Variants in ZNF383 observed in about 807,000 individuals in gnomAD.
The protein encoded by ZNF383 is zinc finger protein 383.
In ZNF383, 32 loss-of-function variants were observed where a neutral mutation model predicts 44.2. The observed-to-expected ratio is 0.72, with a 90% CI of 0.55 to 0.97. The LOEUF is 0.97. ZNF383 is among the 50% of genes least tolerant of loss of function. ZNF383 has a pLI of 0.00. For synonymous variants in ZNF383, 155 were observed against 186.2 expected, an observed-to-expected ratio of 0.83 and a Z score of 1.36; for missense variants, 487 against 562.5, an observed-to-expected ratio of 0.87 and a Z score of 1.36.
intron 1 of ZNF383, among the ~76,000 whole-genome samples, chr19:37,224,212 C>T (rs913833664): frequency 2.0e-5 from 3 of 151,932 alleles, no homozygotes; most frequent in Admixed American, 2.0e-4. Flanking sequence ...TTAAGGTGTA[C>T]GTGTTTTGCT....
At chr19:37,242,233 T>C (rs990118567) in intron 5 of ZNF383, among the ~76,000 whole-genome samples, 1 of 151,032 alleles carries the variant, frequency 6.6e-6, no homozygotes, top group Admixed American at 6.6e-5. Flanking sequence ...CACATCCATA[T>C]TTGAGTATCA....
At chr19:37,220,445 G>A (rs1485336265) in intron 1 of ZNF383, among the ~76,000 whole-genome samples, 1 of 151,850 alleles carries the variant, frequency 6.6e-6, no homozygotes, top group Non-Finnish European at 1.5e-5. Context: ...TTATATTTTT[G>A]TAGAGATGGA....
intron 1 of ZNF383, among the ~76,000 whole-genome samples, chr19:37,220,858 A>C (rs1013276120): frequency 6.6e-6 from 1 of 152,112 alleles, no homozygotes; most frequent in Non-Finnish European, 1.5e-5. Context: ...AATATAGTTT[A>C]GTTTTGCCTT....
At chr19:37,236,142 C>T in intron 5 of ZNF383, 68 bp downstream of exon 5, 2 of 1,251,402 alleles carry the variant, frequency 1.6e-6, no homozygotes, top group Non-Finnish European at 2.3e-6. Flanking sequence ...AGGGAGGAAA[C>T]AGCACCTTTG....
intron 1 of ZNF383, among the ~76,000 whole-genome samples, chr19:37,221,770 C>G (rs1234184616): frequency 6.9e-6 from 1 of 145,446 alleles, no homozygotes; most frequent in Non-Finnish European, 1.5e-5. Flanking sequence ...CGGTGAAACC[C>G]CGTCTCTACT....
chr19:37,227,787 C>G (rs948635807), intron 2 of ZNF383: 2 of 152,282 alleles, frequency 1.3e-5, no homozygotes, highest in Non-Finnish European at 2.9e-5. Context: ...GGGGGCCCTT[C>G]CCTATTTGGT....
intron 3 of ZNF383, 42 bp from the exon 4 acceptor site, chr19:37,235,506 AT>A: frequency 1.2e-6 from 2 of 1,610,092 alleles, no homozygotes; most frequent in Non-Finnish European, 1.7e-6. Context: ...TCTCTGATAC[AT>A]TTTTTTAATT....
chr19:37,221,066 T>A (rs1439139806), intron 1 of ZNF383, among the ~76,000 whole-genome samples: 1 of 152,220 alleles, frequency 6.6e-6, no homozygotes. Flanking sequence ...CTTTCCAGGA[T>A]ATAAGTGTAT....
Position 37,242,639 on chromosome 19 carries a change from A to G in ZNF383, c.403A>G (p.Asn135Asp). Residue 135 changes from asparagine (N) to aspartate (D), a missense_variant, in exon 6 of 6, where the codon AAT (asparagine) becomes GAT (aspartate). Coordinates refer to ENST00000684119, the MANE Select transcript of ZNF383 (RefSeq NM_001387601.1). ...SHLAKQLGYP[N>D]GHFSQEIFTP... ...CCTTGCAAAACAACTGGGATATCCA[A>G]ATGGGCATTTTAGTCAAGAAATATT... The G allele has an allele frequency of 6.2e-7, 1 of 1,614,132 alleles. No individual in the cohort carries two copies. Among genetic ancestry groups the G allele is most frequent in the African/African-American group, 1.3e-5 (1 of 75,054 alleles).
intron 5 of ZNF383, among the ~76,000 whole-genome samples, chr19:37,240,504 C>T (rs536917331): frequency 6.6e-5 from 10 of 152,326 alleles, no homozygotes; most frequent in African/African-American, 2.4e-5. Context: ...TCTCATCAAT[C>T]TGCTTCTGGT....
In ZNF383 at chr19:37,242,728, T is replaced by C. The variant is rs1568533024; in HGVS notation, c.492T>C (p.Asn164=). 1.2e-6 allele frequency: 2 copies of C among 1,614,110 alleles called. No homozygotes were observed. The highest frequency in any genetic ancestry group is 3.3e-5 in the Admixed American group (2 of 60,024). Residue 164 remains asparagine (N), a synonymous_variant, in exon 6 of 6, where the codon AAT becomes AAC. Transcript: ENST00000684119. The part of the protein sequence containing the change: ...QTFLTLHQII[N]NEDRPYECKK... ...TCCTTACTCTCCATCAAATAATTAA[T>C]AATGAAGACAGACCCTATGAATGTA...
intron 1 of ZNF383, among the ~76,000 whole-genome samples, chr19:37,220,838 A>G (rs550560500): frequency 1.3e-5 from 2 of 152,296 alleles, no homozygotes; most frequent in South Asian, 4.1e-4. Flanking sequence ...ATATCTGCTT[A>G]TCCCTAAACA....
At chr19:37,232,860 G>A (rs77573213) in intron 3 of ZNF383, among the ~76,000 whole-genome samples, 3,734 of 152,236 alleles carry the variant, frequency 0.025, 173 homozygotes, top group African/African-American at 0.084. Context: ...TTTTTAATAT[G>A]ATCAGTCCGT....
intron 5 of ZNF383, among the ~76,000 whole-genome samples, chr19:37,241,919 C>A (rs1170387520): frequency 6.8e-6 from 1 of 147,678 alleles, no homozygotes. Context: ...CACACGCATA[C>A]TTATATAGAT....
intron 3 of ZNF383, among the ~76,000 whole-genome samples, chr19:37,233,620 G>T (rs1202367392): frequency 6.6e-6 from 1 of 151,846 alleles, no homozygotes; most frequent in Non-Finnish European, 1.5e-5. Context: ...AGTAGAGACA[G>T]GGTTTCACCA....
At chr19:37,229,802 ATTTT>A (rs66525453) in intron 2 of ZNF383, among the ~76,000 whole-genome samples, 7 of 125,352 alleles carry the variant, frequency 5.6e-5, no homozygotes, top group Admixed American at 3.4e-4. Flanking sequence ...ATATATATAT[ATTTT>A]TTTTTTTTTT....
At chr19:37,240,703 C>CT (rs1394591659) in intron 5 of ZNF383, among the ~76,000 whole-genome samples, 3 of 152,198 alleles carry the variant, frequency 2.0e-5, no homozygotes, top group South Asian at 2.1e-4. Context: ...TAAAATAATT[C>CT]TGAGTTTTCC....
intron 2 of ZNF383, among the ~76,000 whole-genome samples, chr19:37,228,283 G>C (rs972811823): frequency 3.3e-5 from 5 of 151,972 alleles, no homozygotes; most frequent in African/African-American, 1.2e-4. Flanking sequence ...ACTTTTTATC[G>C]TGTCCCTTTA....
At position 37,243,466 on chromosome 19, in the gene ZNF383, C is replaced by T. The variant is rs754406029; in HGVS notation, c.1230C>T (p.Phe410=). 6.2e-7 allele frequency: 1 copy of T among 1,613,652 alleles called. No homozygotes were observed. Among genetic ancestry groups the T allele is most frequent in the Non-Finnish European group, 8.5e-7 (1 of 1,179,800 alleles). ...CCTTTACTCAGAACTCACAACTTTTCCAGCATCAGAGAATTCATACAGATG... is the reference window on the plus strand; with the variant it reads ...CCTTTACTCAGAACTCACAACTTTTTCAGCATCAGAGAATTCATACAGATG... The part of the protein sequence containing the change: ...GKAFTQNSQL[F]QHQRIHTDEK... The change falls in exon 6 of 6, where the codon TTC becomes TTT. Residue 410 remains phenylalanine, a synonymous_variant. Coordinates refer to ENST00000684119, the MANE Select transcript of ZNF383 (RefSeq NM_001387601.1).
Sources: allele counts gnomAD v4.1 joint callset (sites outside exome capture counted in the v4.1 genomes callset), GRCh38; gene constraint gnomAD v4.1.1; transcripts MANE v1.5; gene names NCBI Gene and HGNC (gene_info 2026-07-23, HGNC 2026-07-21).